The following NTRK3 variants were observed in gnomAD, a reference collection of about 807,000 sequenced individuals.
NTRK3 encodes NT-3 growth factor receptor.
NTRK3 carries 24 observed loss-of-function variants against 91.7 expected under a neutral mutation model. That is an observed-to-expected ratio of 0.26 (90% CI 0.19 to 0.37). NTRK3 has a LOEUF of 0.37. Ranked by LOEUF, NTRK3 falls within the 10% of genes least tolerant of loss-of-function variation. The pLI, the probability that NTRK3 is intolerant of heterozygous loss-of-function variation, is 1.00. For synonymous variants in NTRK3, 483 were observed against 404.0 expected (o/e 1.20, Z -2.34); for missense variants, 880 against 1,068.9 (o/e 0.82, Z 2.46).
intron 3 of NTRK3, among the ~76,000 whole-genome samples, chr15:88,224,005 C>T (rs2050465485): frequency 6.6e-6 from 1 of 152,196 alleles, no homozygotes; most frequent in African/African-American, 2.4e-5. Context: ...CTCCAGGCAA[C>T]ACTCAAGGTA....
intron 15 of NTRK3, among the ~76,000 whole-genome samples, chr15:87,938,813 C>G (rs1294271348): frequency 6.6e-6 from 1 of 152,208 alleles, no homozygotes; most frequent in Non-Finnish European, 1.5e-5. Flanking sequence ...AGAAACCTTT[C>G]TACATCCCTG....
At chr15:88,094,078 G>A (rs1210525301) in intron 13 of NTRK3, among the ~76,000 whole-genome samples, 1 of 152,126 alleles carries the variant, frequency 6.6e-6, no homozygotes, top group Non-Finnish European at 1.5e-5. Flanking sequence ...CAAGCACACT[G>A]TGTGGCTCCT....
At chr15:88,134,957 G>A in intron 10 of NTRK3, 144 bp downstream of exon 10, 4 of 985,564 alleles carry the variant, frequency 4.1e-6, no homozygotes, top group Non-Finnish European at 6.4e-6. Context: ...GCGGCTGGTG[G>A]TTGCACATGT....
chr15:87,945,803 GAAAAAAAA>G (rs34162356), intron 14 of NTRK3, among the ~76,000 whole-genome samples: 3 of 106,768 alleles, frequency 2.8e-5, no homozygotes, highest in Admixed American at 1.1e-4. Flanking sequence ...TGAAGACTGG[GAAAAAAAA>G]AAAAAAAAAA....
intron 17 of NTRK3, among the ~76,000 whole-genome samples, chr15:87,914,178 GCTCA>G (rs111745052): frequency 0.021 from 3,142 of 152,272 alleles, 94 homozygotes; most frequent in African/African-American, 0.065. Flanking sequence ...ACATGGACTA[GCTCA>G]CTGAGAACAA....
intron 17 of NTRK3, among the ~76,000 whole-genome samples, chr15:87,923,572 A>G (rs898163052): frequency 2.0e-5 from 3 of 152,176 alleles, no homozygotes; most frequent in African/African-American, 7.2e-5. Context: ...TATATATCTG[A>G]GTATCTATTT....
intron 14 of NTRK3, among the ~76,000 whole-genome samples, chr15:87,946,874 C>CTTTTTTTTTTTTTT (rs560114979): frequency 2.3e-5 from 2 of 85,440 alleles, no homozygotes; most frequent in Non-Finnish European, 4.4e-5. Flanking sequence ...TTCGTGGGTT[C>CTTTTTTTTTTTTTT]TTTTTTTTTT....
At chr15:87,894,401 T>C (rs1254433245) in intron 17 of NTRK3, among the ~76,000 whole-genome samples, 1 of 152,162 alleles carries the variant, frequency 6.6e-6, no homozygotes, top group Non-Finnish European at 1.5e-5. Flanking sequence ...ATCCATACAC[T>C]GTGGGGAGGT....
At chr15:88,097,716 A>C (rs2049764308) in intron 13 of NTRK3, among the ~76,000 whole-genome samples, 1 of 152,240 alleles carries the variant, frequency 6.6e-6, no homozygotes, top group Non-Finnish European at 1.5e-5. Context: ...AATCTTTAAA[A>C]ACGATGGTTA....
At chr15:87,872,976 T>G (rs1014073291) in exon 19 of NTRK3, 1 of 233,020 alleles carries the variant, frequency 4.3e-6, no homozygotes, top group Non-Finnish European at 8.5e-6. Context: ...TTGCTGGTCT[T>G]TTCACCCTGC....
At chr15:88,213,276 C>A (rs1172090304) in intron 3 of NTRK3, among the ~76,000 whole-genome samples, 1 of 152,172 alleles carries the variant, frequency 6.6e-6, no homozygotes, top group Non-Finnish European at 1.5e-5. Context: ...TGCTCAAAGC[C>A]CCCCAGCTGT....
intron 13 of NTRK3, among the ~76,000 whole-genome samples, chr15:88,119,046 G>C (rs1217416209): frequency 6.6e-6 from 1 of 152,196 alleles, no homozygotes; most frequent in South Asian, 2.1e-4. Flanking sequence ...TATTTCAAGG[G>C]AATTCCCTTT....
chr15:88,174,824 C>T (rs894416364), intron 5 of NTRK3, among the ~76,000 whole-genome samples: 2 of 152,206 alleles, frequency 1.3e-5, no homozygotes, highest in African/African-American at 2.4e-5. Context: ...AGCCCTCCAG[C>T]GGCACCTCCA....
chr15:87,977,256 A>T (rs2073807236), intron 14 of NTRK3: 2 of 173,046 alleles, frequency 1.2e-5, no homozygotes, highest in Admixed American at 1.3e-4. Context: ...TAACTAAGAA[A>T]CTTCTTTAAA....
intron 5 of NTRK3, among the ~76,000 whole-genome samples, chr15:88,160,245 C>A (rs574314565): frequency 1.3e-5 from 2 of 152,144 alleles, no homozygotes; most frequent in Non-Finnish European, 2.9e-5. Flanking sequence ...AGGGAAGAGA[C>A]GAGCACGTAG....
chr15:88,079,031 G>T (rs1330222556), intron 13 of NTRK3, among the ~76,000 whole-genome samples: 1 of 152,186 alleles, frequency 6.6e-6, no homozygotes, highest in Non-Finnish European at 1.5e-5. Context: ...AGATGGGAGT[G>T]CAGGGAGCAC....
chr15:88,224,693 C>T (rs1346690600), intron 3 of NTRK3, among the ~76,000 whole-genome samples: 1 of 152,238 alleles, frequency 6.6e-6, no homozygotes, highest in Admixed American at 6.5e-5. Flanking sequence ...ACTGCTTCTA[C>T]AGCAGAAACG....
intron 17 of NTRK3, among the ~76,000 whole-genome samples, chr15:87,922,707 C>T (rs534112443): frequency 6.6e-6 from 1 of 152,282 alleles, no homozygotes; most frequent in South Asian, 2.1e-4. Context: ...TTAGAAAATA[C>T]TGGACGGCTT....
chr15:88,204,069 C>T (rs559743463), intron 3 of NTRK3, among the ~76,000 whole-genome samples: 1 of 152,152 alleles, frequency 6.6e-6, no homozygotes, highest in Non-Finnish European at 1.5e-5. Context: ...GTGTGATGTT[C>T]CTCTCCTTGT....
Sources: allele counts gnomAD v4.1 joint callset (sites outside exome capture counted in the v4.1 genomes callset), GRCh38; gene constraint gnomAD v4.1.1; transcripts MANE v1.5; gene names NCBI Gene and HGNC (gene_info 2026-07-23, HGNC 2026-07-21).